The following NMNAT2 variants were observed in gnomAD, a reference collection of about 807,000 sequenced individuals.
NMNAT2 encodes the protein nicotinamide/nicotinic acid mononucleotide adenylyltransferase 2.
A neutral mutation model predicts 41.6 loss-of-function variants in NMNAT2; 11 were observed. The ratio of observed to expected loss-of-function variants is 0.26; its 90% CI spans 0.17 to 0.44. The LOEUF (loss-of-function observed/expected upper bound fraction) is 0.44, where lower values mean the gene tolerates loss of function less well. Ranked by LOEUF, NMNAT2 falls within the 20% of genes least tolerant of loss-of-function variation. The pLI, the probability that NMNAT2 is intolerant of heterozygous loss-of-function variation, is 1.00. For missense variants in NMNAT2, 288 were observed against 407.7 expected (o/e 0.71, Z 2.53); for synonymous variants, 148 against 151.2 (o/e 0.98, Z 0.16).
At chr1:183,413,101 G>A (rs1216621628) in intron 1 of NMNAT2, among the ~76,000 whole-genome samples, 14 of 152,118 alleles carry the variant, frequency 9.2e-5, no homozygotes. Flanking sequence ...ATAGCTTAAT[G>A]GCAGTATGGT....
chr1:183,370,878 C>T (rs1479271199), intron 1 of NMNAT2, among the ~76,000 whole-genome samples: 1 of 152,196 alleles, frequency 6.6e-6, no homozygotes, highest in Middle Eastern at 3.2e-3. Context: ...GTCCGGTGTG[C>T]TTTCCCACTA....
At chr1:183,312,069 G>A (rs1011543871) in intron 1 of NMNAT2, among the ~76,000 whole-genome samples, 1 of 152,062 alleles carries the variant, frequency 6.6e-6, no homozygotes, top group African/African-American at 2.4e-5. Context: ...ACATGGAACT[G>A]TGAGTCCATT....
chr1:183,328,265 A>AC (rs987919303), intron 1 of NMNAT2, among the ~76,000 whole-genome samples: 1 of 151,764 alleles, frequency 6.6e-6, no homozygotes. Context: ...CATCTGCTCT[A>AC]CCCCCTCTCA....
At chr1:183,363,067 G>A (rs1476624573) in intron 1 of NMNAT2, among the ~76,000 whole-genome samples, 3 of 152,092 alleles carry the variant, frequency 2.0e-5, no homozygotes, top group Non-Finnish European at 4.4e-5. Flanking sequence ...AACTTTTTAG[G>A]AGTTTATTTG....
chr1:183,354,682 G>T (rs1330690172), intron 1 of NMNAT2, among the ~76,000 whole-genome samples: 1 of 152,140 alleles, frequency 6.6e-6, no homozygotes, highest in East Asian at 1.9e-4. Flanking sequence ...CTCCGAAAGT[G>T]CTGGGATTAC....
chr1:183,332,771 A>C (rs956284244), intron 1 of NMNAT2, among the ~76,000 whole-genome samples: 1 of 152,178 alleles, frequency 6.6e-6, no homozygotes, highest in Admixed American at 6.5e-5. Flanking sequence ...GCTTCCTTGG[A>C]TCTAGCAATT....
rs145378179 is a variant in NMNAT2 at position 183,377,999 on chromosome 1, C to T, written c.85+40184G>A. Reference sequence around the variant, plus strand: ...ACAGTGGGTTCTTCAGTAGACTTAACATAGCTGATGGAAGAATCAGTAAAT... The same window carrying T: ...ACAGTGGGTTCTTCAGTAGACTTAATATAGCTGATGGAAGAATCAGTAAAT... On this transcript the variant is annotated intron_variant, in intron 1 of 10. Coordinates refer to ENST00000287713, the MANE Select transcript of NMNAT2 (RefSeq NM_015039.4). 1.3e-5 allele frequency among the ~76,000 whole-genome samples: 2 copies of T among 152,258 alleles called. 1 individual carries two copies. The highest frequency in any genetic ancestry group is 3.9e-4 in the East Asian group (2 of 5,186).
chr1:183,406,812 C>CTTTTTTTTTTT (rs58394186), intron 1 of NMNAT2, among the ~76,000 whole-genome samples: 2 of 88,666 alleles, frequency 2.3e-5, no homozygotes, highest in Non-Finnish European at 4.2e-5. Context: ...TCTGCCATTC[C>CTTTTTTTTTTT]TTTTTTTTTT....
chr1:183,338,361 G>GA (rs1165348131), intron 1 of NMNAT2, among the ~76,000 whole-genome samples: 1 of 98,876 alleles, frequency 1.0e-5, no homozygotes, highest in Non-Finnish European at 2.1e-5. Context: ...CTTTGCACAT[G>GA]AAAAAATTAG....
At chr1:183,368,834 T>G (rs946755172) in intron 1 of NMNAT2, among the ~76,000 whole-genome samples, 1 of 152,232 alleles carries the variant, frequency 6.6e-6, no homozygotes, top group Non-Finnish European at 1.5e-5. Context: ...ATCATCAAAT[T>G]CAGCCACACA....
intron 1 of NMNAT2, among the ~76,000 whole-genome samples, chr1:183,362,827 T>C (rs556668617): frequency 6.6e-6 from 1 of 152,368 alleles, no homozygotes; most frequent in Non-Finnish European, 1.5e-5. Flanking sequence ...TTTAACTTTT[T>C]GAGAAACTGA....
chr1:183,283,351 G>A (rs562282834), intron 7 of NMNAT2: 4 of 153,938 alleles, frequency 2.6e-5, no homozygotes, highest in Admixed American at 2.6e-4. Flanking sequence ...CCCAGCTTCA[G>A]ACACCTGCGT....
At chr1:183,370,950 A>G (rs1443174967) in intron 1 of NMNAT2, among the ~76,000 whole-genome samples, 1 of 152,118 alleles carries the variant, frequency 6.6e-6, no homozygotes, top group East Asian at 1.9e-4. Context: ...TACATGTTGA[A>G]CCAATGAGTG....
chr1:183,327,062 T>G (rs146180438), intron 1 of NMNAT2, among the ~76,000 whole-genome samples: 4 of 118,188 alleles, frequency 3.4e-5, no homozygotes, highest in South Asian at 4.8e-4. Flanking sequence ...ATGTATGTAT[T>G]TATTTTTGAG....
At chr1:183,310,848 G>GA (rs5779164) in intron 1 of NMNAT2, among the ~76,000 whole-genome samples, 29,895 of 140,860 alleles carry the variant, frequency 0.21, 3,124 homozygotes, top group East Asian at 0.37. Context: ...CCAAGGGAAG[G>GA]AAAAAAAAAA....
chr1:183,270,440 C>T (rs530252348), intron 8 of NMNAT2, among the ~76,000 whole-genome samples: 141 of 152,006 alleles, frequency 9.3e-4, no homozygotes, highest in Non-Finnish European at 1.8e-3. Flanking sequence ...TTGCTGTAGC[C>T]CCTGCCACTC....
chr1:183,318,107 T>G (rs1662291470), intron 1 of NMNAT2, among the ~76,000 whole-genome samples: 1 of 152,148 alleles, frequency 6.6e-6, no homozygotes, highest in Non-Finnish European at 1.5e-5. Flanking sequence ...CTATGGAAGC[T>G]CTGAGTTCCA....
chr1:183,402,526 G>A (rs1411407117), intron 1 of NMNAT2, among the ~76,000 whole-genome samples: 3 of 152,140 alleles, frequency 2.0e-5, no homozygotes, highest in African/African-American at 7.2e-5. Flanking sequence ...TGCTTCCCAG[G>A]TGGTTCTCCT....
intron 1 of NMNAT2, among the ~76,000 whole-genome samples, chr1:183,359,595 T>C (rs1280183711): frequency 1.3e-5 from 2 of 152,160 alleles, no homozygotes; most frequent in Non-Finnish European, 2.9e-5. Context: ...GGTAAACCTT[T>C]GTCCAAGCAG....
Sources: allele counts gnomAD v4.1 joint callset (sites outside exome capture counted in the v4.1 genomes callset), GRCh38; gene constraint gnomAD v4.1.1; transcripts MANE v1.5; gene names NCBI Gene and HGNC (gene_info 2026-07-23, HGNC 2026-07-21).